Variants in NUP210L observed in about 807,000 individuals in gnomAD.
NUP210L encodes the protein nuclear pore membrane glycoprotein 210-like.
NUP210L carries 74 observed loss-of-function variants against 208.5 expected under a neutral mutation model. The ratio of observed to expected loss-of-function variants is 0.35; its 90% CI spans 0.29 to 0.43. The LOEUF (loss-of-function observed/expected upper bound fraction) is 0.43. Ranked by LOEUF, NUP210L falls within the 20% of genes least tolerant of loss-of-function variation. The pLI is 1.00. For missense variants in NUP210L, 1,843 were observed against 2,289.4 expected, an observed-to-expected ratio of 0.81 and a Z score of 3.98; for synonymous variants, 780 against 816.9, an observed-to-expected ratio of 0.95 and a Z score of 0.77.
chr1:153,999,227 T>C (rs112680099), intron 37 of NUP210L, among the ~76,000 whole-genome samples: 103 of 152,244 alleles, frequency 6.8e-4, no homozygotes, highest in African/African-American at 1.9e-3. Context: ...GGTGGGGAAG[T>C]GGGCGTGACA....
intron 2 of NUP210L, among the ~76,000 whole-genome samples, chr1:154,147,517 T>G (rs1240050080): frequency 6.6e-6 from 1 of 151,314 alleles, no homozygotes; most frequent in Non-Finnish European, 1.5e-5. Context: ...TTTTCTTTTT[T>G]TTTTTAGTAG....
intron 8 of NUP210L, 59 bp from the exon 9 acceptor site, chr1:154,127,476 T>G: frequency 1.3e-6 from 1 of 793,856 alleles, no homozygotes; most frequent in East Asian, 2.7e-5. Flanking sequence ...CTACAACGAA[T>G]TTAAAAATAC....
chr1:154,025,527 A>G lies in NUP210L; in HGVS notation c.4122+15T>C, dbSNP rs773397463. 6.2e-6 allele frequency: 9 copies of G among 1,450,850 alleles called. No individual in the cohort carries two copies. The highest frequency in any genetic ancestry group is 2.2e-5 in the Admixed American group (1 of 45,818). 89.9% of individuals were successfully genotyped at this position (1,450,850 alleles called of 1,614,324 possible). On this transcript the variant is annotated intron_variant, in intron 30 of 39. Transcript: ENST00000368559. ...TTTTATTTATTTGTTTTTTTTAGTA[A>G]GTCCATGAACTCACCTGGACCCCAG...
At chr1:154,119,236 C>A (rs1406999902) in intron 10 of NUP210L, among the ~76,000 whole-genome samples, 1 of 152,054 alleles carries the variant, frequency 6.6e-6, no homozygotes, top group East Asian at 1.9e-4. Flanking sequence ...AAATTTGCCT[C>A]ATACTTAAAA....
At chr1:154,050,723 T>C (rs1282891926) in intron 25 of NUP210L, among the ~76,000 whole-genome samples, 1 of 152,218 alleles carries the variant, frequency 6.6e-6, no homozygotes, top group East Asian at 1.9e-4. Context: ...GTATTCTCAA[T>C]AATCATTTTC....
chr1:154,151,223 A>G (rs959779635), intron 2 of NUP210L, among the ~76,000 whole-genome samples: 1 of 143,870 alleles, frequency 7.0e-6, no homozygotes, highest in Non-Finnish European at 1.5e-5. Flanking sequence ...TATCCTTTTT[A>G]GCTACCCTGC....
chr1:154,107,519 G>C (rs1197142717), intron 12 of NUP210L, among the ~76,000 whole-genome samples: 1 of 150,494 alleles, frequency 6.6e-6, no homozygotes, highest in Non-Finnish European at 1.5e-5. Context: ...CTCAACAGCA[G>C]AACTGATGAA....
exon 40 of NUP210L, chr1:153,992,694 A>C: frequency 1.5e-6 from 1 of 648,668 alleles, no homozygotes; most frequent in South Asian, 2.2e-5. Context: ...TACCAGTTTT[A>C]AGAAACAGCT....
intron 25 of NUP210L, among the ~76,000 whole-genome samples, chr1:154,053,378 C>T (rs763597533): frequency 2.0e-5 from 3 of 152,166 alleles, no homozygotes; most frequent in Non-Finnish European, 2.9e-5. Context: ...ATGATAAAGC[C>T]GCCTTTGCTT....
intron 29 of NUP210L, among the ~76,000 whole-genome samples, chr1:154,026,052 G>A (rs1001617632): frequency 2.0e-5 from 3 of 150,346 alleles, no homozygotes; most frequent in Admixed American, 1.3e-4. Flanking sequence ...GTGAAACCCC[G>A]TCTTTACTAA....
chr1:154,141,371 C>A, intron 4 of NUP210L, 60 bp downstream of exon 4: 2 of 1,052,716 alleles, frequency 1.9e-6, no homozygotes, highest in Non-Finnish European at 3.0e-6. Flanking sequence ...GTTCAGCATG[C>A]CGCTTAATGG....
intron 13 of NUP210L, among the ~76,000 whole-genome samples, chr1:154,103,522 A>G (rs1656581551): frequency 1.3e-5 from 2 of 149,574 alleles, no homozygotes; most frequent in Admixed American, 6.7e-5. Flanking sequence ...AATACAAAAA[A>G]TTAGCCGGGC....
chr1:154,141,565 T>A (rs1191399447), intron 3 of NUP210L, 41 bp from the exon 4 acceptor site: 1 of 1,172,008 alleles, frequency 8.5e-7, no homozygotes, highest in South Asian at 1.2e-5. Flanking sequence ...GGATCACGTA[T>A]TTAAAAATAT....
At chr1:154,002,020 T>C in intron 35 of NUP210L, 35 bp from the exon 36 acceptor site, 2 of 1,604,236 alleles carry the variant, frequency 1.2e-6, no homozygotes, top group Non-Finnish European at 1.7e-6. Context: ...AGCAGGAAGG[T>C]TCAGAGGCTC....
At chr1:154,126,497 A>G (rs1557996119) in intron 9 of NUP210L, 34 bp from the exon 10 acceptor site, 1 of 1,573,226 alleles carries the variant, frequency 6.4e-7, no homozygotes, top group Non-Finnish European at 8.6e-7. Flanking sequence ...ACAAACCTGA[A>G]GATATGTTCT....
In NUP210L at chr1:154,013,605, CA is replaced by C. The variant is rs549361241; in HGVS notation, c.4654-1236del. On this transcript the variant is annotated intron_variant, in intron 33 of 39. Coordinates refer to ENST00000368559, the Ensembl canonical transcript of NUP210L. The stretch of plus-strand genomic sequence containing the variant: ...ACAAAACAAAACAAACAAACAAAAA[CA>C]AAAAAAACACACAAAAAAAACAACT... 9.3e-4 allele frequency among the ~76,000 whole-genome samples: 141 copies of C among 151,488 alleles called. 1 individual carries two copies. The highest frequency in any genetic ancestry group is 6.6e-3 in the Admixed American group (100 of 15,138).
Position 154,093,827 on chromosome 1 carries a change from A to G in NUP210L, c.2187+1108T>C, listed in dbSNP as rs140890264. On this transcript the variant is annotated intron_variant, in intron 15 of 39. Coordinates refer to ENST00000368559, the Ensembl canonical transcript of NUP210L. ...AAGTACAGCACAGCTGTGAATGAAA[A>G]CTATGCAAATCCATCAGTACCTCTA... is the stretch of plus-strand genomic sequence containing the variant. 4.2e-3 allele frequency among the ~76,000 whole-genome samples: 640 copies of G among 152,246 alleles called. 7 individuals are homozygous for G. The highest frequency in any genetic ancestry group is 0.015 in the African/African-American group (603 of 41,536).
chr1:154,128,338 T>G (rs1350644836), intron 8 of NUP210L, among the ~76,000 whole-genome samples: 1 of 149,204 alleles, frequency 6.7e-6, no homozygotes, highest in Middle Eastern at 3.7e-3. Context: ...AATTAAAAAT[T>G]AGCTGAACGT....
chr1:154,118,175 G>A (rs1471226526), intron 11 of NUP210L, among the ~76,000 whole-genome samples: 1 of 151,974 alleles, frequency 6.6e-6, no homozygotes, highest in Non-Finnish European at 1.5e-5. Context: ...TGGGAGTGGT[G>A]GCACACGCCT....
Sources: gnomAD v4.1 joint callset for allele counts (sites outside exome capture counted in the v4.1 genomes callset) on GRCh38, gnomAD v4.1.1 for gene constraint, MANE v1.5 for transcripts, NCBI Gene and HGNC (gene_info 2026-07-23, HGNC 2026-07-21) for gene names.